Variants in INA observed in about 807,000 individuals in gnomAD.
The protein encoded by INA is internexin neuronal intermediate filament protein alpha, also known as alpha-internexin.
Under a neutral mutation model 40.1 loss-of-function variants are expected in INA, and 35 were observed. That is an observed-to-expected ratio of 0.87 (90% CI 0.67 to 1.16). The LOEUF (loss-of-function observed/expected upper bound fraction) is 1.16. INA is among the 50% of genes most tolerant of loss of function. The pLI is 0.00. For synonymous variants in INA, 290 were observed against 316.9 expected, an observed-to-expected ratio of 0.92 and a Z score of 0.90; for missense variants, 594 against 686.7, an observed-to-expected ratio of 0.87 and a Z score of 1.51.
chr10:103,279,592 T>C (rs1219120388), intron 1 of INA, among the ~76,000 whole-genome samples: 1 of 152,226 alleles, frequency 6.6e-6, no homozygotes, highest in Non-Finnish European at 1.5e-5. Flanking sequence ...AAACTTGCAA[T>C]AATTCTAGCT....
At chr10:103,281,242 C>T (rs562457517) in intron 1 of INA, among the ~76,000 whole-genome samples, 2 of 152,226 alleles carry the variant, frequency 1.3e-5, no homozygotes, top group African/African-American at 4.8e-5. Context: ...TTTGCCCCTC[C>T]CTATCTTACT....
At chr10:103,282,145 T>C (rs1215780249) in intron 1 of INA, among the ~76,000 whole-genome samples, 4 of 152,240 alleles carry the variant, frequency 2.6e-5, no homozygotes, top group Non-Finnish European at 5.9e-5. Flanking sequence ...AGGAGCAAAG[T>C]TGTGCTTTTC....
chr10:103,288,983 C>T lies in INA; in HGVS notation c.*314C>T, dbSNP rs896038392. ...ACTAAGGTGCTAAATCTGCGATCAT[C>T]GTCATTTGCTGTGAACTGAAATTAA... is the stretch of plus-strand genomic sequence containing the variant. On this transcript the variant is annotated 3_prime_UTR_variant, in exon 3 of 3. Transcript: ENST00000369849. 3.3e-5 allele frequency: 6 copies of T among 184,384 alleles called. No homozygotes were observed. The highest frequency in any genetic ancestry group is 5.6e-5 in the Non-Finnish European group (5 of 89,254). The allele number at this position is 184,384 out of a possible 1,614,324, so 11.4% of individuals were successfully genotyped here.
rs1224115288 is a variant in INA at position 103,277,777 on chromosome 10, G to A, written c.566G>A (p.Arg189His). ...RARCEEESRG[R>H]EGAERALKAQ... is the part of the protein sequence containing the mutation. ...CGCTGCGAGGAGGAGAGCCGCGGAC[G>A]CGAAGGCGCCGAGCGCGCCCTGAAG... is the stretch of plus-strand genomic sequence containing the variant. Residue 189 changes from arginine (R) to histidine (H), a missense_variant, in exon 1 of 3, where the codon CGC becomes CAC. This residue lies in a region of INA where 379 missense variants were observed against 496.1 expected (regional missense o/e 0.76). Transcript: ENST00000369849. The surrounding 1 kb of genome is among the most constrained non-coding windows in gnomAD (Gnocchi z 5.6). 7 of 1,493,002 alleles carry A rather than the reference G, an allele frequency of 4.7e-6. No individual in the cohort carries two copies. The highest frequency in any genetic ancestry group is 6.2e-6 in the Non-Finnish European group (7 of 1,130,544). 92.5% of individuals were successfully genotyped at this position (1,493,002 alleles called of 1,614,324 possible).
At position 103,289,502 on chromosome 10, in the gene INA, A is replaced by G. The variant is rs1439546825; in HGVS notation, c.*833A>G. On this transcript the variant is annotated 3_prime_UTR_variant, in exon 3 of 3. Transcript: ENST00000369849. Reference sequence around the variant, plus strand: ...CTATTTAATTAGGAAAAAAACTATTAAGGATGTAGCTTTTCACCTTTACTT... The same window carrying G: ...CTATTTAATTAGGAAAAAAACTATTGAGGATGTAGCTTTTCACCTTTACTT... 6.5e-6 allele frequency: 1 copy of G among 152,678 alleles called. No homozygotes were observed. The highest frequency in any genetic ancestry group is 2.4e-5 in the African/African-American group (1 of 41,466). The allele number at this position is 152,678 out of a possible 1,614,324, so 9.5% of individuals were successfully genotyped here.
rs950758638 is a variant in INA, at chr10:103,277,163, C to T, written c.-49C>T. On this transcript the variant is annotated 5_prime_UTR_variant, in exon 1 of 3. Coordinates refer to ENST00000369849, the MANE Select transcript of INA (RefSeq NM_032727.4). The surrounding 1 kb of genome is among the most constrained non-coding windows in gnomAD (Gnocchi z 5.6). Reference sequence around the variant, plus strand: ...GCCCTGCCTGCCGCACCTCTCCTTTCTTCTGTAGCTCGCGTTGAAGCCGCA... The same window carrying T: ...GCCCTGCCTGCCGCACCTCTCCTTTTTTCTGTAGCTCGCGTTGAAGCCGCA... 16 of 1,526,612 alleles carry T rather than the reference C, an allele frequency of 1.0e-5. No homozygotes were observed. The highest frequency in any genetic ancestry group is 1.3e-5 in the Non-Finnish European group (15 of 1,143,408). 94.6% of individuals were successfully genotyped at this position (1,526,612 alleles called of 1,614,324 possible).
intron 1 of INA, among the ~76,000 whole-genome samples, chr10:103,281,247 CTTACTGTA>C (rs2093071788): frequency 6.6e-6 from 1 of 152,104 alleles, no homozygotes; most frequent in African/African-American, 2.4e-5. Context: ...CCCTCCCTAT[CTTACTGTA>C]TTACTGTCAC....
At position 103,278,327 on chromosome 10, in the gene INA, G is replaced by T; in HGVS notation, c.1065+51G>T. On this transcript the variant is annotated intron_variant, in intron 1 of 2. Transcript: ENST00000369849. The surrounding 1 kb of genome is among the most constrained non-coding windows in gnomAD (Gnocchi z 4.9). ...AGGGGTGCCCTGCCCTCTTCCGCGC[G>T]TACCCTCTTCCTCTGGTAAAACTGG... 1 of 1,377,380 alleles carries T rather than the reference G, an allele frequency of 7.3e-7. No individual in the cohort carries two copies. The highest frequency in any genetic ancestry group is 9.8e-7 in the Non-Finnish European group (1 of 1,019,760). 85.3% of individuals were successfully genotyped at this position (1,377,380 alleles called of 1,614,324 possible). A position where few individuals can be genotyped will look rare whatever the true frequency, so the allele number is the denominator to read the frequency against.
chr10:103,279,988 T>C (rs2093069313), intron 1 of INA: 1 of 1,285,984 alleles, frequency 7.8e-7, no homozygotes, highest in African/African-American at 1.5e-5. Flanking sequence ...GCTAGCCCAG[T>C]ATTTCTACAA....
At position 103,288,855 on chromosome 10, in the gene INA, G is replaced by A; in HGVS notation, c.*186G>A. 2.0e-6 allele frequency: 1 copy of A among 495,186 alleles called. No individual in the cohort carries two copies. The highest frequency in any genetic ancestry group is 3.6e-6 in the Non-Finnish European group (1 of 279,506). 30.7% of individuals were successfully genotyped at this position (495,186 alleles called of 1,614,324 possible). A position where few individuals can be genotyped will look rare whatever the true frequency, so the allele number is the denominator to read the frequency against. ...ACCACCCCTTAGATTGAAGTAAACT[G>A]CAGTCCTGGAGCAATCACAGATGAG... On this transcript the variant is annotated 3_prime_UTR_variant, in exon 3 of 3. Coordinates refer to ENST00000369849, the MANE Select transcript of INA (RefSeq NM_032727.4).
At chr10:103,282,762 T>G (rs2093075417) in intron 1 of INA, among the ~76,000 whole-genome samples, 1 of 152,182 alleles carries the variant, frequency 6.6e-6, no homozygotes, top group East Asian at 1.9e-4. Flanking sequence ...AATCTGGTGC[T>G]TTAAGGTATA....
Position 103,277,229 on chromosome 10 carries a change from G to T in INA, c.18G>T (p.Glu6Asp). Residue 6 changes from glutamate to aspartate, a missense_variant, in exon 1 of 3, where the codon GAG (glutamate) becomes GAT (aspartate). Physicochemically the swap from Glu to Asp is conservative, Grantham distance 45. Transcript: ENST00000369849. This position sits in a 1 kb window ranked among gnomAD's most constrained non-coding sequence, Gnocchi z 5.6. MSFGSEHYLCSSSSYR... is the reference protein window; with the variant it reads MSFGSDHYLCSSSSYR... ...CCGGCACCATGAGCTTCGGCTCGGA[G>T]CACTACCTGTGCTCCTCCTCCTCCT... The T allele has an allele frequency of 1.9e-6, 3 of 1,585,972 alleles. No individual in the cohort carries two copies. Among genetic ancestry groups the T allele is most frequent in the Admixed American group, 1.7e-5 (1 of 57,964 alleles).
In INA at chr10:103,278,215, C is replaced by A; in HGVS notation, c.1004C>A (p.Ser335Tyr). 1 of 1,599,982 alleles carries A rather than the reference C, an allele frequency of 6.3e-7. No homozygotes were observed. Among genetic ancestry groups the A allele is most frequent in the Non-Finnish European group, 8.5e-7 (1 of 1,174,318 alleles). Residue 335 changes from serine to tyrosine, a missense_variant, in exon 1 of 3, where the codon TCC (serine) becomes TAC (tyrosine). Ser to Tyr is a moderately radical substitution (Grantham distance 144, BLOSUM62 -2). Transcript: ENST00000369849. This position sits in a 1 kb window ranked among gnomAD's most constrained non-coding sequence, Gnocchi z 4.9. ...EIEGLRGANE[S>Y]LERQILELEE... The stretch of plus-strand genomic sequence containing the variant: ...GAGGGCCTGCGCGGGGCCAACGAGT[C>A]CTTGGAGAGGCAGATCCTGGAGCTG...
Position 103,278,271 on chromosome 10 carries a change from T to C in INA, c.1060T>C (p.Tyr354His), listed in dbSNP as rs1365407268. The C allele has an allele frequency of 6.4e-7, 1 of 1,551,338 alleles. No individual in the cohort carries two copies. The highest frequency in any genetic ancestry group is 1.4e-5 in the African/African-American group (1 of 73,334). ...EERHSAEVAG[Y>H]QDSIGQLEND... ...GCGGCACAGTGCCGAGGTAGCTGGC[T>C]ACCAGGTAAGGGCCGGGGCTGGGCG... The change falls in exon 1 of 3, where the codon TAC becomes CAC. Residue 354 changes from tyrosine to histidine, a missense_variant. By Grantham distance (83) the Tyr-to-His change is moderately conservative. Around this residue, in one of 2 missense-constraint regions of INA, gnomAD observed 379 missense variants for 496.1 expected, o/e 0.76. Transcript: ENST00000369849. This position sits in a 1 kb window ranked among gnomAD's most constrained non-coding sequence, Gnocchi z 4.9.
At chr10:103,280,134 C>A in intron 1 of INA, 1 of 985,368 alleles carries the variant, frequency 1.0e-6, no homozygotes, top group Non-Finnish European at 1.2e-6. Flanking sequence ...CATCATTAGA[C>A]AATGGTAGCG....
At chr10:103,284,579 C>A (rs2093080725) in intron 1 of INA, among the ~76,000 whole-genome samples, 1 of 151,884 alleles carries the variant, frequency 6.6e-6, no homozygotes, top group Non-Finnish European at 1.5e-5. Flanking sequence ...CATGGTGAAA[C>A]CCCATCTCTA....
Position 103,277,682 on chromosome 10 carries a change from C to A in INA, c.471C>A (p.Ala157=), listed in dbSNP as rs2093062897. 7 of 1,374,920 alleles carry A rather than the reference C, an allele frequency of 5.1e-6. No individual in the cohort carries two copies. Among genetic ancestry groups the A allele is most frequent in the Non-Finnish European group, 6.5e-6 (7 of 1,074,664 alleles). The allele number at this position is 1,374,920 out of a possible 1,614,324, so 85.2% of individuals were successfully genotyped here. A position where few individuals can be genotyped will look rare whatever the true frequency, so the allele number is the denominator to read the frequency against. The change falls in exon 1 of 3, where the codon GCC becomes GCA. Residue 157 remains alanine, a synonymous_variant. Transcript: ENST00000369849. This position sits in a 1 kb window ranked among gnomAD's most constrained non-coding sequence, Gnocchi z 5.6. ...LRDLRAQLEE[A]SSARSQALLE... is the part of the protein sequence containing the mutation. ...ACCTGCGCGCGCAGCTGGAGGAGGCCAGCTCGGCTCGCTCGCAGGCCCTGC... is the reference window on the plus strand; with the variant it reads ...ACCTGCGCGCGCAGCTGGAGGAGGCAAGCTCGGCTCGCTCGCAGGCCCTGC...
chr10:103,288,162 G>T (rs968870793), intron 2 of INA, among the ~76,000 whole-genome samples, 198 bp from the exon 3 acceptor site: 3 of 151,948 alleles, frequency 2.0e-5, no homozygotes, highest in African/African-American at 4.9e-5. Flanking sequence ...GGTGCTGAAG[G>T]GGGGTGTGTG....
intron 1 of INA, 51 bp from the exon 2 acceptor site, chr10:103,286,983 TG>T: frequency 6.3e-7 from 1 of 1,592,732 alleles, no homozygotes; most frequent in Non-Finnish European, 8.6e-7. Flanking sequence ...CTGGAAATCT[TG>T]AGGAATTTCA....
Sources: allele counts gnomAD v4.1 joint callset (sites outside exome capture counted in the v4.1 genomes callset), GRCh38; gene constraint gnomAD v4.1.1; regional missense constraint gnomAD v4.1.1; non-coding constraint Gnocchi (gnomAD v3.1); transcripts MANE v1.5; gene names NCBI Gene and HGNC (gene_info 2026-07-23, HGNC 2026-07-21).